CTNNA3: variants seen among roughly 807,000 people sequenced by gnomAD.
CTNNA3 encodes the protein catenin alpha-3.
Under a neutral mutation model 95.7 loss-of-function variants are expected in CTNNA3, and 76 were observed. The observed-to-expected ratio is 0.79, with a 90% CI of 0.66 to 0.96. The LOEUF is 0.96. Among genes scored for constraint, CTNNA3 ranks in the 40% least tolerant of loss-of-function variants. The probability of loss-of-function intolerance (pLI) is 0.00; values close to 1 mark genes in which losing one functional copy is unlikely to be tolerated. For synonymous variants in CTNNA3, 431 were observed against 374.4 expected (o/e 1.15, Z -1.74); for missense variants, 1,191 against 1,089.8 (o/e 1.09, Z -1.31).
At chr10:66,235,358 A>G (rs1405116301) in intron 13 of CTNNA3, among the ~76,000 whole-genome samples, 1 of 151,326 alleles carries the variant, frequency 6.6e-6, no homozygotes, top group African/African-American at 2.4e-5. Context: ...CTATAAATTT[A>G]TTATTAAATG....
intron 13 of CTNNA3, among the ~76,000 whole-genome samples, chr10:66,273,053 A>G (rs887830163): frequency 3.3e-5 from 5 of 152,198 alleles, no homozygotes; most frequent in African/African-American, 1.2e-4. Context: ...CCCTACAGAT[A>G]GAAGATTCAT....
In CTNNA3 at chr10:66,443,266, C is replaced by A. The variant is rs192838243; in HGVS notation, c.1532-63914G>T. Among the ~76,000 whole-genome samples the A allele has an allele frequency of 1.0e-3, 156 of 152,332 alleles. 1 individual carries two copies. Among genetic ancestry groups the A allele is most frequent in the African/African-American group, 3.4e-3 (140 of 41,594 alleles). On this transcript the variant is annotated intron_variant, in intron 11 of 17. Transcript: ENST00000433211. ...ACAAACAAAAAGACAGCAGTAACCT[C>A]TGCAGACTTAAATGTCCCTGTCTGA...
At chr10:66,829,119 A>C (rs937644428) in intron 7 of CTNNA3, among the ~76,000 whole-genome samples, 1 of 152,218 alleles carries the variant, frequency 6.6e-6, no homozygotes, top group African/African-American at 2.4e-5. Flanking sequence ...ACTCCATGTC[A>C]ATAGCTAGAA....
chr10:66,630,493 T>C (rs566072570), intron 9 of CTNNA3, among the ~76,000 whole-genome samples: 13 of 152,282 alleles, frequency 8.5e-5, no homozygotes, highest in African/African-American at 3.1e-4. Context: ...GCTTTTAATT[T>C]ATTTATTTTT....
chr10:67,002,000 G>A (rs2132989636), intron 7 of CTNNA3, among the ~76,000 whole-genome samples: 1 of 152,238 alleles, frequency 6.6e-6, no homozygotes, highest in East Asian at 1.9e-4. Flanking sequence ...GAGTCTTAGA[G>A]TCCGAAGACC....
At chr10:66,736,943 A>C (rs1564648867) in intron 9 of CTNNA3, among the ~76,000 whole-genome samples, 1 of 152,174 alleles carries the variant, frequency 6.6e-6, no homozygotes, top group East Asian at 1.9e-4. Flanking sequence ...CTTAATCTGA[A>C]TATTTGAATT....
At position 67,427,272 on chromosome 10, in the gene CTNNA3, T is replaced by G. The variant is rs2132885103; in HGVS notation, c.579+94570A>C. 1.3e-5 allele frequency among the ~76,000 whole-genome samples: 2 copies of G among 152,108 alleles called. 1 individual carries two copies. Among genetic ancestry groups the G allele is most frequent in the South Asian group, 4.1e-4 (2 of 4,820 alleles). On this transcript the variant is annotated intron_variant, in intron 5 of 17. Coordinates refer to ENST00000433211, the MANE Select transcript of CTNNA3 (RefSeq NM_013266.4). ...CACTCCCAAGAGTGAGGAGATCTGC[T>G]TCATATACAACTGTCCTAGAAAATC...
chr10:66,365,482 C>A (rs1376384119), intron 12 of CTNNA3, among the ~76,000 whole-genome samples: 1 of 152,026 alleles, frequency 6.6e-6, no homozygotes, highest in Non-Finnish European at 1.5e-5. Flanking sequence ...ACGCGTATAC[C>A]TATGTAACAA....
chr10:67,197,821 A>C (rs1486847042), intron 6 of CTNNA3, among the ~76,000 whole-genome samples: 1 of 152,164 alleles, frequency 6.6e-6, no homozygotes, highest in East Asian at 1.9e-4. Flanking sequence ...TAAGAAAAAA[A>C]AATTGCTGTA....
chr10:67,658,038 C>T (rs1840075939), intron 1 of CTNNA3, among the ~76,000 whole-genome samples: 1 of 152,028 alleles, frequency 6.6e-6, no homozygotes, highest in Non-Finnish European at 1.5e-5. Context: ...CATCCTTTCG[C>T]TTCACCCTGC....
intron 5 of CTNNA3, among the ~76,000 whole-genome samples, chr10:67,237,126 G>GTGTATATA (rs1589068967): frequency 2.5e-5 from 1 of 39,846 alleles, no homozygotes; most frequent in Non-Finnish European, 4.4e-5. Context: ...TATGGTGTAT[G>GTGTATATA]TATATATATA....
intron 15 of CTNNA3, among the ~76,000 whole-genome samples, chr10:66,006,292 T>C (rs976065841): frequency 2.0e-5 from 3 of 151,954 alleles, no homozygotes; most frequent in East Asian, 1.9e-4. Context: ...GGATTACAGG[T>C]GTGAGCCACT....
At chr10:66,865,637 C>A (rs188173216) in intron 7 of CTNNA3, among the ~76,000 whole-genome samples, 2 of 151,666 alleles carry the variant, frequency 1.3e-5, no homozygotes, top group Non-Finnish European at 2.9e-5. Flanking sequence ...AATATGTAAA[C>A]GTAATGGAAA....
chr10:66,617,357 T>C (rs979214811), intron 10 of CTNNA3, among the ~76,000 whole-genome samples: 1 of 152,054 alleles, frequency 6.6e-6, no homozygotes, highest in Non-Finnish European at 1.5e-5. Flanking sequence ...AAAAAGCTTA[T>C]CCACCATGAT....
intron 7 of CTNNA3, among the ~76,000 whole-genome samples, chr10:66,957,283 T>C (rs937240782): frequency 6.6e-6 from 1 of 151,638 alleles, no homozygotes; most frequent in Admixed American, 6.6e-5. Context: ...AATTTACTAT[T>C]TGCTCATTTA....
At chr10:67,365,285 T>C (rs1325062120) in intron 5 of CTNNA3, among the ~76,000 whole-genome samples, 4 of 152,096 alleles carry the variant, frequency 2.6e-5, no homozygotes, top group African/African-American at 7.2e-5. Context: ...GAAGAAAACC[T>C]AGGCAATACC....
chr10:66,068,004 C>T (rs995334882), intron 15 of CTNNA3, among the ~76,000 whole-genome samples: 4 of 152,192 alleles, frequency 2.6e-5, no homozygotes, highest in Non-Finnish European at 4.4e-5. Context: ...AGATGATGCA[C>T]GTATGAAAAG....
intron 7 of CTNNA3, among the ~76,000 whole-genome samples, chr10:66,808,614 C>G (rs1238287913): frequency 6.6e-6 from 1 of 152,144 alleles, no homozygotes; most frequent in Non-Finnish European, 1.5e-5. Flanking sequence ...GAAAAATGAA[C>G]AATTCATAAG....
At chr10:66,404,852 CTG>C (rs1259945986) in intron 11 of CTNNA3, among the ~76,000 whole-genome samples, 1 of 151,782 alleles carries the variant, frequency 6.6e-6, no homozygotes, top group Non-Finnish European at 1.5e-5. Flanking sequence ...TCTTCTTCCA[CTG>C]TGGCCCAGGG....
Sources: gnomAD v4.1 joint callset for allele counts (sites outside exome capture counted in the v4.1 genomes callset) on GRCh38, gnomAD v4.1.1 for gene constraint, MANE v1.5 for transcripts, NCBI Gene and HGNC (gene_info 2026-07-23, HGNC 2026-07-21) for gene names.